Variants in GLI3 observed in about 807,000 individuals in gnomAD.
GLI3 encodes transcription activator GLI3.
GLI3 carries 20 observed loss-of-function variants against 100.8 expected under a neutral mutation model. The ratio of observed to expected loss-of-function variants is 0.20; its 90% CI spans 0.14 to 0.29. The LOEUF is 0.29. Ranked by LOEUF, GLI3 falls within the 10% of genes least tolerant of loss-of-function variation. The pLI, the probability that GLI3 is intolerant of heterozygous loss-of-function variation, is 1.00. For missense variants in GLI3, 2,040 were observed against 2,128.5 expected, an observed-to-expected ratio of 0.96 and a Z score of 0.82; for synonymous variants, 938 against 860.5, an observed-to-expected ratio of 1.09 and a Z score of -1.58.
chr7:42,240,935 C>T (rs1788918224), upstream of GLI3, among the ~76,000 whole-genome samples: 1 of 152,166 alleles, frequency 6.6e-6, no homozygotes, highest in African/African-American at 2.4e-5. Context: ...CCTCACTTAC[C>T]ATGGCAGTTC....
chr7:42,212,467 A>G (rs1788290003), intron 2 of GLI3, among the ~76,000 whole-genome samples: 1 of 152,244 alleles, frequency 6.6e-6, no homozygotes, highest in Non-Finnish European at 1.5e-5. Context: ...CCCAATTTAT[A>G]AAGAAGACTC....
chr7:41,994,730 T>C (rs571190737), intron 10 of GLI3, among the ~76,000 whole-genome samples: 21 of 152,376 alleles, frequency 1.4e-4, no homozygotes, highest in Admixed American at 5.2e-4. Context: ...GCTAATTTAT[T>C]CCTCAAAATA....
intron 1 of GLI3, among the ~76,000 whole-genome samples, chr7:42,225,080 T>C (rs4724100): frequency 0.37 from 55,923 of 152,160 alleles, 12,264 homozygotes; most frequent in East Asian, 0.72. Flanking sequence ...CTTCTAGCTC[T>C]AACAATCTCA....
intron 3 of GLI3, among the ~76,000 whole-genome samples, chr7:42,142,641 A>G (rs1786596596): frequency 6.6e-6 from 1 of 152,116 alleles, no homozygotes; most frequent in Admixed American, 6.5e-5. Context: ...TTCACTGGCA[A>G]CAGTTCAAAT....
At chr7:42,175,560 G>A (rs1169564632) in intron 2 of GLI3, among the ~76,000 whole-genome samples, 3 of 152,076 alleles carry the variant, frequency 2.0e-5, no homozygotes, top group African/African-American at 7.2e-5. Flanking sequence ...AAAGGTTGCA[G>A]TGAGCTGAGA....
At chr7:42,182,717 T>TACACAC (rs66997611) in intron 2 of GLI3, among the ~76,000 whole-genome samples, 4,643 of 118,688 alleles carry the variant, frequency 0.039, 137 homozygotes, top group Non-Finnish European at 0.053. Context: ...CACATATAAA[T>TACACAC]ACACACACAC....
At chr7:42,147,672 C>T (rs1164918488) in intron 3 of GLI3, among the ~76,000 whole-genome samples, 3 of 152,180 alleles carry the variant, frequency 2.0e-5, no homozygotes, top group Non-Finnish European at 4.4e-5. Flanking sequence ...TCTGATGTGT[C>T]TGGCACGCTG....
intron 2 of GLI3, among the ~76,000 whole-genome samples, chr7:42,199,075 A>C (rs534772120): frequency 5.9e-5 from 9 of 152,324 alleles, no homozygotes; most frequent in Admixed American, 2.6e-4. Context: ...GAGAAACAAA[A>C]GAAGAATACA....
chr7:42,127,017 GC>G (rs1340909217), intron 3 of GLI3, among the ~76,000 whole-genome samples: 1 of 152,176 alleles, frequency 6.6e-6, no homozygotes, highest in Non-Finnish European at 1.5e-5. Flanking sequence ...ACTCGATATG[GC>G]CTCCTCAACT....
At chr7:42,077,065 A>G (rs1247945378) in intron 3 of GLI3, among the ~76,000 whole-genome samples, 1 of 152,172 alleles carries the variant, frequency 6.6e-6, no homozygotes, top group Admixed American at 6.5e-5. Context: ...CTACCTGAGA[A>G]GGCAGAGCCT....
At chr7:42,092,289 A>G (rs934640296) in intron 3 of GLI3, among the ~76,000 whole-genome samples, 2 of 152,230 alleles carry the variant, frequency 1.3e-5, no homozygotes, top group Non-Finnish European at 2.9e-5. Flanking sequence ...GGTGAAAATA[A>G]TAACGAAGCA....
chr7:42,212,716 A>G (rs1788294497), intron 2 of GLI3, among the ~76,000 whole-genome samples: 1 of 152,228 alleles, frequency 6.6e-6, no homozygotes, highest in East Asian at 1.9e-4. Flanking sequence ...GAGATCAGTG[A>G]CATCATTAGC....
rs1786570922 is a variant in GLI3, at chr7:42,141,644, C to A, written c.367+6582G>T. ...CCAAGATCGCACCACTGCACTCCAG[C>A]CTGGGTGACAAAGCAAGACTCCGCC... On this transcript the variant is annotated intron_variant, in intron 3 of 14. Coordinates refer to ENST00000395925, the MANE Select transcript of GLI3 (RefSeq NM_000168.6). Among the ~76,000 whole-genome samples the A allele has an allele frequency of 2.0e-5, 3 of 151,966 alleles. No individual in the cohort carries two copies. The South Asian group carries it at 6.2e-4, about 32-fold the overall frequency.
chr7:41,987,613 A>G (rs1787867454), intron 10 of GLI3, among the ~76,000 whole-genome samples: 1 of 152,214 alleles, frequency 6.6e-6, no homozygotes, highest in African/African-American at 2.4e-5. Context: ...AAAGATGGAG[A>G]AACCTGAACT....
intron 13 of GLI3, among the ~76,000 whole-genome samples, chr7:41,968,255 G>T (rs943328811): frequency 3.3e-5 from 5 of 152,104 alleles, no homozygotes; most frequent in African/African-American, 9.7e-5. Context: ...TATTCTTTGG[G>T]CACATTACTT....
At chr7:42,233,888 ATG>A (rs144233032) in intron 1 of GLI3, among the ~76,000 whole-genome samples, 1 of 152,018 alleles carries the variant, frequency 6.6e-6, no homozygotes, top group Non-Finnish European at 1.5e-5. Flanking sequence ...ACGTGTGTGT[ATG>A]TGTGTGTGTG....
intron 3 of GLI3, among the ~76,000 whole-genome samples, chr7:42,093,872 G>A (rs1019147316): frequency 4.6e-5 from 7 of 152,070 alleles, no homozygotes; most frequent in African/African-American, 1.7e-4. Flanking sequence ...AGGTCCTCAG[G>A]AAGTGAAAAT....
At chr7:42,138,542 C>A (rs1786485351) in intron 3 of GLI3, among the ~76,000 whole-genome samples, 1 of 152,112 alleles carries the variant, frequency 6.6e-6, no homozygotes, top group South Asian at 2.1e-4. Flanking sequence ...AGGAAAGCTA[C>A]CATTGTATGT....
At chr7:42,073,349 C>A (rs776472156) in intron 4 of GLI3, among the ~76,000 whole-genome samples, 101 of 152,098 alleles carry the variant, frequency 6.6e-4, no homozygotes, top group African/African-American at 2.4e-3. Context: ...GACGTATTTC[C>A]GTACATATTT....
Sources: allele counts gnomAD v4.1 joint callset (sites outside exome capture counted in the v4.1 genomes callset), GRCh38; gene constraint gnomAD v4.1.1; transcripts MANE v1.5; gene names NCBI Gene and HGNC (gene_info 2026-07-23, HGNC 2026-07-21).